Variants in GALNT1 observed in about 807,000 individuals in gnomAD.
GALNT1 encodes the protein polypeptide N-acetylgalactosaminyltransferase 1, also known as GalNAc transferase 1.
A neutral mutation model predicts 65.7 loss-of-function variants in GALNT1; 17 were observed. The ratio of observed to expected loss-of-function variants is 0.26; its 90% CI spans 0.18 to 0.39. The LOEUF (loss-of-function observed/expected upper bound fraction) is 0.39. GALNT1 is among the 10% of genes least tolerant of loss of function. The probability of loss-of-function intolerance (pLI) is 1.00; values close to 1 mark genes in which losing one functional copy is unlikely to be tolerated. For missense variants in GALNT1, 460 were observed against 672.8 expected (o/e 0.68, Z 3.50); for synonymous variants, 210 against 219.7 (o/e 0.96, Z 0.39).
At chr18:35,642,831 A>C (rs1364323559) in intron 1 of GALNT1, among the ~76,000 whole-genome samples, 1 of 152,128 alleles carries the variant, frequency 6.6e-6, no homozygotes, top group Non-Finnish European at 1.5e-5. Flanking sequence ...GACTAATAGG[A>C]TTCCTCGTTG....
intron 9 of GALNT1, among the ~76,000 whole-genome samples, chr18:35,695,556 A>AGAGTT (rs1404473512): frequency 2.0e-5 from 3 of 152,284 alleles, no homozygotes; most frequent in African/African-American, 7.2e-5. Flanking sequence ...CAGATGGTGG[A>AGAGTT]GAGTTGGTGA....
In GALNT1 at chr18:35,683,382, A is replaced by G; in HGVS notation, c.482-9A>G. 6.2e-7 allele frequency: 1 copy of G among 1,609,620 alleles called. No individual in the cohort carries two copies. The highest frequency in any genetic ancestry group is 8.5e-7 in the Non-Finnish European group (1 of 1,177,342). On this transcript the variant is annotated splice_polypyrimidine_tract_variant and intron_variant, in intron 4 of 11. Coordinates refer to ENST00000269195, the MANE Select transcript of GALNT1 (RefSeq NM_020474.4). ...CTGGTTTGCATGTTTTCTTTTGTTC[A>G]TTTTCCAGACTTTTTGAAAAGGCCT...
intron 4 of GALNT1, 56 bp from the exon 5 acceptor site, chr18:35,683,335 A>G: frequency 1.6e-5 from 23 of 1,403,838 alleles, no homozygotes; most frequent in Non-Finnish European, 2.2e-5. Flanking sequence ...AATTACTTTC[A>G]TCTGAATAGT....
chr18:35,634,094 A>G (rs969949585), intron 1 of GALNT1, among the ~76,000 whole-genome samples: 7 of 152,316 alleles, frequency 4.6e-5, no homozygotes, highest in Admixed American at 2.0e-4. Context: ...ATTTAATCTG[A>G]GAAGGTGCCT....
rs368170298 is a variant in GALNT1 at position 35,627,661 on chromosome 18, G to A, written c.-103-26899G>A. 3.3e-5 allele frequency among the ~76,000 whole-genome samples: 5 copies of A among 152,214 alleles called. No individual in the cohort carries two copies. In the East Asian group the frequency reaches 7.7e-4, roughly 24 times the overall value. On this transcript the variant is annotated intron_variant, in intron 1 of 11. Coordinates refer to ENST00000269195, the MANE Select transcript of GALNT1 (RefSeq NM_020474.4). The stretch of plus-strand genomic sequence containing the variant: ...TCCCAGTGTGAGCGACACAGAAGAC[G>A]GGTGATTTTTGCATTTCCAACTGAG...
intron 1 of GALNT1, among the ~76,000 whole-genome samples, chr18:35,582,776 T>C (rs1598776919): frequency 6.6e-6 from 1 of 152,208 alleles, no homozygotes; most frequent in Non-Finnish European, 1.5e-5. Context: ...GTTGCAACTT[T>C]TCAGGTCACA....
At chr18:35,587,961 T>C (rs1017963773) in intron 1 of GALNT1, among the ~76,000 whole-genome samples, 1 of 152,198 alleles carries the variant, frequency 6.6e-6, no homozygotes. Flanking sequence ...TTTCCTTTCA[T>C]CTTCTGTTTT....
At chr18:35,643,083 C>G (rs1384150841) in intron 1 of GALNT1, among the ~76,000 whole-genome samples, 2 of 151,990 alleles carry the variant, frequency 1.3e-5, no homozygotes, top group Non-Finnish European at 2.9e-5. Context: ...GGATCTGTTA[C>G]CAGAAGAAAC....
intron 9 of GALNT1, among the ~76,000 whole-genome samples, chr18:35,701,915 T>TGA (rs1351089618): frequency 2.6e-5 from 4 of 152,218 alleles, no homozygotes; most frequent in Non-Finnish European, 4.4e-5. Context: ...AGCCTGTTCA[T>TGA]GCTGGACTCT....
intron 1 of GALNT1, among the ~76,000 whole-genome samples, chr18:35,608,959 A>G (rs2046684267): frequency 6.6e-6 from 1 of 152,214 alleles, no homozygotes; most frequent in Admixed American, 6.5e-5. Context: ...TGAACAGAGT[A>G]AAAGCTTTCT....
intron 5 of GALNT1, among the ~76,000 whole-genome samples, chr18:35,686,308 A>G (rs1014348446): frequency 2.6e-5 from 4 of 152,204 alleles, no homozygotes; most frequent in African/African-American, 7.2e-5. Flanking sequence ...TGCATTTCCA[A>G]TTGAAATCTC....
intron 1 of GALNT1, among the ~76,000 whole-genome samples, chr18:35,630,414 A>C (rs140797604): frequency 0.25 from 38,530 of 152,094 alleles, 5,893 homozygotes; most frequent in African/African-American, 0.42. Flanking sequence ...CAAAACCACC[A>C]AACTACATGG....
intron 1 of GALNT1, among the ~76,000 whole-genome samples, chr18:35,629,452 A>C (rs914972724): frequency 2.0e-5 from 3 of 152,224 alleles, no homozygotes; most frequent in Admixed American, 6.5e-5. Flanking sequence ...CCAGAATTTC[A>C]TATCCAGCCA....
At chr18:35,620,064 G>A (rs1471005700) in intron 1 of GALNT1, among the ~76,000 whole-genome samples, 3 of 152,150 alleles carry the variant, frequency 2.0e-5, no homozygotes, top group Admixed American at 2.0e-4. Context: ...ACAAAAAGGT[G>A]CTTTAAACAA....
rs1200380895 is a variant in GALNT1 at position 35,598,004 on chromosome 18, CTCCCCTCCCCTCCCCTCCAA to C, written c.-104+16152_-104+16171del. On this transcript the variant is annotated intron_variant, in intron 1 of 11. Coordinates refer to ENST00000269195, the MANE Select transcript of GALNT1 (RefSeq NM_020474.4). ...TTTCATCTAACTCCCCTCCCCTCCC[CTCCCCTCCCCTCCCCTCCAA>C]TCCCCTCCCATCCCCTCCCCTCCCT... Among the ~76,000 whole-genome samples, 121 of 71,468 alleles carry C rather than the reference CTCCCCTCCCCTCCCCTCCAA, an allele frequency of 1.7e-3. 4 individuals are homozygous for C. The highest frequency in any genetic ancestry group is 2.9e-3 in the African/African-American group (61 of 20,804). 46.9% of individuals were successfully genotyped at this position (71,468 alleles called of 152,430 possible). A position where few individuals can be genotyped will look rare whatever the true frequency, so the allele number is the denominator to read the frequency against.
At chr18:35,633,799 C>T (rs779514363) in intron 1 of GALNT1, among the ~76,000 whole-genome samples, 1 of 152,114 alleles carries the variant, frequency 6.6e-6, no homozygotes, top group Non-Finnish European at 1.5e-5. Flanking sequence ...AACAATAAAG[C>T]ATAGTCCCAA....
chr18:35,583,897 T>G (rs534260719), intron 1 of GALNT1, among the ~76,000 whole-genome samples: 1 of 152,332 alleles, frequency 6.6e-6, no homozygotes, highest in South Asian at 2.1e-4. Flanking sequence ...ATCCCTCTTT[T>G]AACTAATATA....
intron 1 of GALNT1, among the ~76,000 whole-genome samples, chr18:35,602,428 G>T (rs1315690180): frequency 2.6e-5 from 4 of 152,050 alleles, no homozygotes; most frequent in Admixed American, 6.5e-5. Flanking sequence ...AAAATTTTCT[G>T]TTATTTATTT....
At chr18:35,682,852 C>T (rs972207379) in intron 4 of GALNT1, among the ~76,000 whole-genome samples, 2 of 145,884 alleles carry the variant, frequency 1.4e-5, no homozygotes, top group African/African-American at 2.6e-5. Context: ...TTTGGCCTTG[C>T]AGTTAACAGT....
Sources: allele counts gnomAD v4.1 joint callset (sites outside exome capture counted in the v4.1 genomes callset), GRCh38; gene constraint gnomAD v4.1.1; transcripts MANE v1.5; gene names NCBI Gene and HGNC (gene_info 2026-07-23, HGNC 2026-07-21).